The following GRIK3 variants were observed in gnomAD, a reference collection of about 807,000 sequenced individuals.
The protein encoded by GRIK3 is glutamate receptor ionotropic, kainate 3.
Under a neutral mutation model 102.5 loss-of-function variants are expected in GRIK3, and 29 were observed. The ratio of observed to expected loss-of-function variants is 0.28; its 90% CI spans 0.21 to 0.39. GRIK3 has a LOEUF of 0.39. Among genes scored for constraint, GRIK3 ranks in the 10% least tolerant of loss-of-function variants. The probability of loss-of-function intolerance (pLI) is 1.00; values close to 1 mark genes in which losing one functional copy is unlikely to be tolerated. For missense variants in GRIK3, 908 were observed against 1,252.4 expected (o/e 0.73, Z 4.15); for synonymous variants, 511 against 504.9 (o/e 1.01, Z -0.16).
chr1:36,929,912 T>G (rs1467634218), intron 1 of GRIK3, among the ~76,000 whole-genome samples: 1 of 152,248 alleles, frequency 6.6e-6, no homozygotes, highest in African/African-American at 2.4e-5. Flanking sequence ...TGGCTGGAGC[T>G]GGAGCAACCA....
In GRIK3 at chr1:36,872,831, T is replaced by C. The variant is rs372008630; in HGVS notation, c.551-462A>G. On this transcript the variant is annotated intron_variant, in intron 3 of 15. Transcript: ENST00000373091. The surrounding 1 kb of genome is among the most constrained non-coding windows in gnomAD (Gnocchi z 5.9). ...CCCCAACATTGTGAGACATGGGACATGATTTCCCTCAACATCTCCAGCGAG... is the reference window on the plus strand; with the variant it reads ...CCCCAACATTGTGAGACATGGGACACGATTTCCCTCAACATCTCCAGCGAG... Among the ~76,000 whole-genome samples the C allele has an allele frequency of 1.2e-4, 19 of 152,316 alleles. No homozygotes were observed. Among genetic ancestry groups the C allele is most frequent in the African/African-American group, 3.8e-4 (16 of 41,568 alleles).
intron 1 of GRIK3, among the ~76,000 whole-genome samples, chr1:36,993,342 C>G (rs1205850402): frequency 6.6e-6 from 1 of 152,144 alleles, no homozygotes; most frequent in Non-Finnish European, 1.5e-5. Context: ...TAACAGCTCA[C>G]TGCAGCTTAG....
At position 36,891,050 on chromosome 1, in the gene GRIK3, A is replaced by G; in HGVS notation, c.162T>C (p.Asn54=). 1 of 1,614,020 alleles carries G rather than the reference A, an allele frequency of 6.2e-7. No individual in the cohort carries two copies. The highest frequency in any genetic ancestry group is 8.5e-7 in the Non-Finnish European group (1 of 1,179,906). The part of the protein sequence containing the change: ...YADGPNAQVM[N]AEEHAFRFSA... ...AAAATCGAAAGGCATGCTCCTCGGC[A>G]TTCATGACCTGGGCGTTGGGGCCGT... Residue 54 remains asparagine (N), a synonymous_variant, in exon 2 of 16, where the codon AAT becomes AAC. Transcript: ENST00000373091.
In GRIK3 at chr1:36,872,458, C is replaced by T; in HGVS notation, c.551-89G>A. 1.9e-6 allele frequency: 2 copies of T among 1,049,754 alleles called. No homozygotes were observed. The highest frequency in any genetic ancestry group is 1.6e-5 in the South Asian group (1 of 61,212). The allele number at this position is 1,049,754 out of a possible 1,614,324, so 65.0% of individuals were successfully genotyped here. A position where few individuals can be genotyped will look rare whatever the true frequency, so the allele number is the denominator to read the frequency against. On this transcript the variant is annotated intron_variant, in intron 3 of 15. Transcript: ENST00000373091. The surrounding 1 kb of genome is among the most constrained non-coding windows in gnomAD (Gnocchi z 5.9). Reference sequence around the variant, plus strand: ...ACTTGGACTTGTGTGCACACACATGCCCATGGCCACAGGTCTGCAGACATA... The same window carrying T: ...ACTTGGACTTGTGTGCACACACATGTCCATGGCCACAGGTCTGCAGACATA...
At chr1:36,901,538 C>T (rs1240575834) in intron 1 of GRIK3, among the ~76,000 whole-genome samples, 1 of 152,126 alleles carries the variant, frequency 6.6e-6, no homozygotes, top group Non-Finnish European at 1.5e-5. Flanking sequence ...AGGGGAATGT[C>T]CTCAACTTCA....
At chr1:36,843,286 C>A (rs1303628842) in intron 9 of GRIK3, among the ~76,000 whole-genome samples, 2 of 152,186 alleles carry the variant, frequency 1.3e-5, no homozygotes, top group Non-Finnish European at 2.9e-5. Context: ...ACTCACAAAG[C>A]CCCATCCCGT....
chr1:36,814,941 A>G (rs528122964), intron 13 of GRIK3, among the ~76,000 whole-genome samples: 1 of 152,338 alleles, frequency 6.6e-6, no homozygotes, highest in African/African-American at 2.4e-5. Context: ...AGATGCAGAC[A>G]CGTGTCCAAG....
chr1:36,812,772 G>A (rs767555448), intron 13 of GRIK3, among the ~76,000 whole-genome samples: 4 of 151,932 alleles, frequency 2.6e-5, no homozygotes, highest in Non-Finnish European at 5.9e-5. Flanking sequence ...CAGTCAGGGC[G>A]TTTTTTTAAG....
chr1:36,823,559 C>G (rs1412873359), intron 11 of GRIK3, among the ~76,000 whole-genome samples: 1 of 151,410 alleles, frequency 6.6e-6, no homozygotes, highest in Non-Finnish European at 1.5e-5. Context: ...CCAAATCTCT[C>G]TCTCAGGATC....
chr1:36,870,194 C>T (rs886527268), intron 4 of GRIK3, among the ~76,000 whole-genome samples: 2 of 152,196 alleles, frequency 1.3e-5, no homozygotes, highest in East Asian at 1.9e-4. Context: ...CTCAGCTGAG[C>T]TCCCTGTCCT....
intron 1 of GRIK3, among the ~76,000 whole-genome samples, chr1:36,948,656 G>T (rs1641809677): frequency 6.6e-6 from 1 of 152,094 alleles, no homozygotes; most frequent in South Asian, 2.1e-4. Context: ...GCGCATGTAG[G>T]GCCATCTGTG....
intron 1 of GRIK3, among the ~76,000 whole-genome samples, chr1:36,950,701 G>A (rs1251359778): frequency 1.3e-5 from 2 of 152,282 alleles, no homozygotes; most frequent in Non-Finnish European, 2.9e-5. Context: ...GAGGCTACAT[G>A]CGATTTATCT....
chr1:37,011,712 C>T (rs1004315031), intron 1 of GRIK3, among the ~76,000 whole-genome samples: 1 of 152,098 alleles, frequency 6.6e-6, no homozygotes, highest in Non-Finnish European at 1.5e-5. Context: ...TGGTAAACTC[C>T]CAGCACAGTA....
intron 1 of GRIK3, among the ~76,000 whole-genome samples, chr1:36,996,175 G>A (rs1051571396): frequency 6.6e-6 from 1 of 152,220 alleles, no homozygotes; most frequent in Non-Finnish European, 1.5e-5. Context: ...AGGATCTTAC[G>A]GAAAAAGGCT....
intron 1 of GRIK3, among the ~76,000 whole-genome samples, chr1:36,977,053 C>A (rs747725825): frequency 6.6e-6 from 1 of 152,050 alleles, no homozygotes; most frequent in African/African-American, 2.4e-5. Flanking sequence ...GGCTGTCAGT[C>A]CCCTCCCCTC....
chr1:36,917,567 T>C (rs1011260395), intron 1 of GRIK3, among the ~76,000 whole-genome samples: 1 of 152,200 alleles, frequency 6.6e-6, no homozygotes, highest in African/African-American at 2.4e-5. Flanking sequence ...GTTCTCATGA[T>C]AGTGAATAAG....
At chr1:36,856,245 A>G (rs1481624250) in intron 7 of GRIK3, among the ~76,000 whole-genome samples, 1 of 152,296 alleles carries the variant, frequency 6.6e-6, no homozygotes, top group Middle Eastern at 3.4e-3. Flanking sequence ...GGTGCCTTCA[A>G]ACCTGCACTG....
intron 1 of GRIK3, among the ~76,000 whole-genome samples, chr1:36,940,693 C>A (rs879341083): frequency 3.9e-5 from 6 of 152,232 alleles, no homozygotes; most frequent in Non-Finnish European, 8.8e-5. Flanking sequence ...TTACATGCTT[C>A]TCCCTGGCTG....
chr1:36,969,386 G>T (rs1463648557), intron 1 of GRIK3, among the ~76,000 whole-genome samples: 1 of 152,222 alleles, frequency 6.6e-6, no homozygotes, highest in Admixed American at 6.5e-5. Context: ...TTAGATTTGG[G>T]TTTTGGTTTT....
Sources: gnomAD v4.1 joint callset for allele counts (sites outside exome capture counted in the v4.1 genomes callset) on GRCh38, gnomAD v4.1.1 for gene constraint, Gnocchi (gnomAD v3.1) non-coding constraint, MANE v1.5 for transcripts, NCBI Gene and HGNC (gene_info 2026-07-23, HGNC 2026-07-21) for gene names.